The following DPY19L1 variants were observed in gnomAD, a reference collection of about 807,000 sequenced individuals.
DPY19L1 encodes the protein protein C-mannosyl-transferase DPY19L1.
In DPY19L1, 35 loss-of-function variants were observed where a neutral mutation model predicts 96.9. That is an observed-to-expected ratio of 0.36 (90% CI 0.28 to 0.48). The LOEUF (loss-of-function observed/expected upper bound fraction) is 0.48. DPY19L1 is among the 20% of genes least tolerant of loss of function. DPY19L1 has a pLI of 0.99. For synonymous variants in DPY19L1, 205 were observed against 252.6 expected, an observed-to-expected ratio of 0.81 and a Z score of 1.79; for missense variants, 521 against 777.9, an observed-to-expected ratio of 0.67 and a Z score of 3.93.
At chr7:34,942,418 T>A (rs986504867) in intron 17 of DPY19L1, among the ~76,000 whole-genome samples, 197 bp downstream of exon 17, 2 of 152,210 alleles carry the variant, frequency 1.3e-5, no homozygotes, top group Non-Finnish European at 1.5e-5. Flanking sequence ...GAGCAGAACA[T>A]ATGAGTTTCC....
chr7:34,991,942 G>A (rs754304514), intron 6 of DPY19L1, among the ~76,000 whole-genome samples: 2 of 152,044 alleles, frequency 1.3e-5, no homozygotes, highest in African/African-American at 2.4e-5. Flanking sequence ...CCATATTACC[G>A]GGCATATAAA....
At chr7:35,014,171 G>A (rs886621602) in intron 3 of DPY19L1, among the ~76,000 whole-genome samples, 3 of 152,102 alleles carry the variant, frequency 2.0e-5, no homozygotes, top group African/African-American at 7.2e-5. Flanking sequence ...ATGCAAAAAT[G>A]CAAATGTGTT....
rs146164103 is a variant in DPY19L1, at chr7:34,940,447, T to C, written c.1690-120A>G. 4.7e-3 allele frequency: 3,545 copies of C among 754,066 alleles called. 184 individuals carry two copies. In the South Asian group the frequency reaches 0.096, roughly 20 times the overall value. The allele number at this position is 754,066 out of a possible 1,614,324, so 46.7% of individuals were successfully genotyped here. A position where few individuals can be genotyped will look rare whatever the true frequency, so the allele number is the denominator to read the frequency against. On this transcript the variant is annotated intron_variant, in intron 18 of 21. Coordinates refer to ENST00000638088, the MANE Select transcript of DPY19L1 (RefSeq NM_001366673.1). ...CTAGAGTCCCAAATAAAGGATTAAT[T>C]ATCCTAAAGAAAAAGCCCCAAAATA... is the stretch of plus-strand genomic sequence containing the variant.
intron 3 of DPY19L1, among the ~76,000 whole-genome samples, chr7:35,014,660 C>T (rs575685427): frequency 6.6e-6 from 1 of 152,296 alleles, no homozygotes; most frequent in Admixed American, 6.5e-5. Context: ...TCTGATACCA[C>T]TATTTTTAAA....
At chr7:34,947,465 T>C (rs1437326526) in intron 15 of DPY19L1, among the ~76,000 whole-genome samples, 165 bp downstream of exon 15, 1 of 152,206 alleles carries the variant, frequency 6.6e-6, no homozygotes, top group Admixed American at 6.5e-5. Flanking sequence ...ATTTTGAAGC[T>C]ATATAAATGT....
At chr7:34,968,842 A>C (rs1784665952) in intron 9 of DPY19L1, among the ~76,000 whole-genome samples, 1 of 151,842 alleles carries the variant, frequency 6.6e-6, no homozygotes, top group South Asian at 2.1e-4. Flanking sequence ...CAATAAAAAA[A>C]AATAGTACGC....
chr7:34,978,212 G>T (rs531393404), intron 7 of DPY19L1, among the ~76,000 whole-genome samples: 33 of 152,242 alleles, frequency 2.2e-4, no homozygotes, highest in African/African-American at 7.9e-4. Flanking sequence ...GTATCAAACA[G>T]ATCATGTTTA....
intron 6 of DPY19L1, among the ~76,000 whole-genome samples, chr7:34,994,371 A>T (rs328919): frequency 0.27 from 40,560 of 151,818 alleles, 5,574 homozygotes; most frequent in Non-Finnish European, 0.31. Context: ...ATGAGTTTTT[A>T]AAAAAAATGA....
At chr7:34,963,143 C>T (rs983240137) in intron 10 of DPY19L1, among the ~76,000 whole-genome samples, 5 of 144,056 alleles carry the variant, frequency 3.5e-5, no homozygotes, top group African/African-American at 1.0e-4. Flanking sequence ...TGCAGTGAGC[C>T]GAGATCGTGC....
chr7:34,954,028 T>C (rs1409712210), intron 13 of DPY19L1, among the ~76,000 whole-genome samples: 6 of 152,108 alleles, frequency 3.9e-5, no homozygotes, highest in Non-Finnish European at 7.4e-5. Flanking sequence ...AAATACACTA[T>C]AGGAAAAAAA....
At chr7:34,977,487 A>G (rs1274853229) in intron 7 of DPY19L1, among the ~76,000 whole-genome samples, 1 of 152,206 alleles carries the variant, frequency 6.6e-6, no homozygotes, top group Non-Finnish European at 1.5e-5. Context: ...CAATTACAGG[A>G]CTGTAATGAA....
chr7:34,935,110 T>G (rs1783839786), intron 21 of DPY19L1, among the ~76,000 whole-genome samples: 1 of 152,212 alleles, frequency 6.6e-6, no homozygotes. Context: ...TTTTCTACCT[T>G]GTAATTTTCT....
intron 7 of DPY19L1, among the ~76,000 whole-genome samples, chr7:34,975,281 A>T (rs904166264): frequency 1.7e-4 from 26 of 152,210 alleles, no homozygotes; most frequent in African/African-American, 5.5e-4. Context: ...GAAGGAAATT[A>T]AAAGTGAAAC....
At chr7:35,027,688 A>AAAAAAAAAAAAAAAAAAAAAAAG in intron 1 of DPY19L1, among the ~76,000 whole-genome samples, 2 of 148,702 alleles carry the variant, frequency 1.3e-5, no homozygotes, top group Admixed American at 6.7e-5. Context: ...AAAAAAAAAA[A>AAAAAAAAAAAAAAAAAAAAAAAG]TTAGTTGGGC....
chr7:34,953,150 TAA>T (rs2128785347), intron 13 of DPY19L1, among the ~76,000 whole-genome samples: 1 of 152,230 alleles, frequency 6.6e-6, no homozygotes, highest in East Asian at 1.9e-4. Flanking sequence ...CAGTAGGAAA[TAA>T]AAGGCTGGGT....
intron 7 of DPY19L1, among the ~76,000 whole-genome samples, chr7:34,975,092 A>G (rs980051486): frequency 1.3e-5 from 2 of 152,128 alleles, no homozygotes; most frequent in Non-Finnish European, 2.9e-5. Context: ...AATTAGGAAA[A>G]TTAATAAGCC....
chr7:34,967,216 A>G (rs1195034198), intron 9 of DPY19L1, among the ~76,000 whole-genome samples: 1 of 152,204 alleles, frequency 6.6e-6, no homozygotes, highest in Non-Finnish European at 1.5e-5. Flanking sequence ...TCAACTGTCC[A>G]AAACAATACT....
intron 6 of DPY19L1, among the ~76,000 whole-genome samples, chr7:35,002,167 A>G (rs964740219): frequency 6.6e-6 from 1 of 151,610 alleles, no homozygotes; most frequent in Non-Finnish European, 1.5e-5. Flanking sequence ...ACAACAAAAA[A>G]AACCCACACA....
intron 6 of DPY19L1, among the ~76,000 whole-genome samples, chr7:34,996,928 T>G (rs1023718307): frequency 7.9e-5 from 12 of 152,066 alleles, no homozygotes; most frequent in African/African-American, 2.4e-4. Flanking sequence ...CAGAGCCACA[T>G]GAGCTGATGC....
Sources: allele counts gnomAD v4.1 joint callset (sites outside exome capture counted in the v4.1 genomes callset), GRCh38; gene constraint gnomAD v4.1.1; transcripts MANE v1.5; gene names NCBI Gene and HGNC (gene_info 2026-07-23, HGNC 2026-07-21).